The following GRID2 variants were observed in gnomAD, a reference collection of about 807,000 sequenced individuals.
The protein encoded by GRID2 is glutamate ionotropic receptor delta type subunit 2, also known as glutamate receptor ionotropic, delta-2.
Under a neutral mutation model 114.8 loss-of-function variants are expected in GRID2, and 33 were observed. The ratio of observed to expected loss-of-function variants is 0.29; its 90% CI spans 0.22 to 0.38. The LOEUF (loss-of-function observed/expected upper bound fraction) is 0.38, where lower values mean the gene tolerates loss of function less well. Among genes scored for constraint, GRID2 ranks in the 10% least tolerant of loss-of-function variants. The pLI is 1.00. For missense variants in GRID2, 1,184 were observed against 1,257.7 expected, an observed-to-expected ratio of 0.94 and a Z score of 0.89; for synonymous variants, 505 against 449.9, an observed-to-expected ratio of 1.12 and a Z score of -1.55.
intron 7 of GRID2, among the ~76,000 whole-genome samples, chr4:93,231,799 T>G (rs1325396908): frequency 6.6e-6 from 1 of 152,190 alleles, no homozygotes; most frequent in East Asian, 1.9e-4. Flanking sequence ...GTCCAGTCCC[T>G]CTTCCCTCAC....
rs776854733 is a variant in GRID2, at chr4:93,216,874, T to C, written c.926T>C (p.Leu309Ser). ...FRGNHRISST[L>S]CDPKDPFAQN... is the part of the protein sequence containing the mutation. ...GGCAACCATCGAATATCTTCAACAT[T>C]GTGTGATCCAAAGGATCCATTTGCT... Residue 309 changes from leucine to serine, a missense_variant, in exon 6 of 16, where the codon TTG becomes TCG. Leu to Ser is a moderately radical substitution (Grantham distance 145). This residue lies in a region of GRID2 where 455 missense variants were observed against 429.5 expected (regional missense o/e 1.06). Transcript: ENST00000282020. 3 of 1,612,968 alleles carry C rather than the reference T, an allele frequency of 1.9e-6. No homozygotes were observed. The highest frequency in any genetic ancestry group is 2.5e-6 in the Non-Finnish European group (3 of 1,179,058).
At chr4:93,751,562 G>T (rs1732320687) in intron 14 of GRID2, among the ~76,000 whole-genome samples, 1 of 152,134 alleles carries the variant, frequency 6.6e-6, no homozygotes, top group South Asian at 2.1e-4. Flanking sequence ...ATGATTTACT[G>T]TGTTGCTTCC....
At chr4:93,494,475 A>C (rs2149464691) in intron 12 of GRID2, among the ~76,000 whole-genome samples, 1 of 151,930 alleles carries the variant, frequency 6.6e-6, no homozygotes, top group East Asian at 1.9e-4. Context: ...GAAGCTGAAT[A>C]ATTTCATAAA....
chr4:93,372,761 A>G (rs1437773991), intron 8 of GRID2, among the ~76,000 whole-genome samples: 2 of 152,196 alleles, frequency 1.3e-5, no homozygotes, highest in East Asian at 3.8e-4. Flanking sequence ...CTTAAGCACA[A>G]TACAATAGTA....
chr4:92,988,012 AATT>A (rs1411669555), intron 2 of GRID2, among the ~76,000 whole-genome samples: 8 of 152,196 alleles, frequency 5.3e-5, no homozygotes, highest in African/African-American at 1.9e-4. Context: ...TGATCAATTC[AATT>A]ATTTATTTAT....
chr4:93,533,295 T>TTCCTTCCTTCCC (rs1560722463), intron 13 of GRID2, among the ~76,000 whole-genome samples: 1 of 145,318 alleles, frequency 6.9e-6, no homozygotes, highest in Non-Finnish European at 1.5e-5. Flanking sequence ...CCTTCCTTCC[T>TTCCTTCCTTCCC]TCCTTCCTTC....
intron 2 of GRID2, among the ~76,000 whole-genome samples, chr4:92,876,368 G>C (rs1176398645): frequency 1.3e-5 from 2 of 151,174 alleles, no homozygotes; most frequent in Non-Finnish European, 2.9e-5. Flanking sequence ...GCACCATCTC[G>C]GCTCACTGCA....
At chr4:92,469,587 A>T (rs1361376491) in intron 1 of GRID2, among the ~76,000 whole-genome samples, 1 of 151,882 alleles carries the variant, frequency 6.6e-6, no homozygotes. Flanking sequence ...TTTCAGCCTG[A>T]GGTTGGTTGA....
chr4:92,405,145 A>G (rs1473422362), intron 1 of GRID2, among the ~76,000 whole-genome samples: 1 of 152,218 alleles, frequency 6.6e-6, no homozygotes, highest in East Asian at 1.9e-4. Context: ...GGGTTTGAAG[A>G]ATGGCGTTCA....
At chr4:93,229,132 T>G (rs1745824285) in intron 7 of GRID2, among the ~76,000 whole-genome samples, 1 of 152,170 alleles carries the variant, frequency 6.6e-6, no homozygotes, top group Admixed American at 6.6e-5. Flanking sequence ...TGTCTCACAT[T>G]TCAAACTGAC....
chr4:92,469,545 T>G (rs1721919799), intron 1 of GRID2, among the ~76,000 whole-genome samples: 1 of 152,256 alleles, frequency 6.6e-6, no homozygotes, highest in African/African-American at 2.4e-5. Context: ...TTTATTGTTG[T>G]ATTGTTATTT....
At chr4:92,529,343 T>C (rs1341651099) in intron 1 of GRID2, among the ~76,000 whole-genome samples, 1 of 151,982 alleles carries the variant, frequency 6.6e-6, no homozygotes, top group Non-Finnish European at 1.5e-5. Context: ...TATTATACAA[T>C]CACAGAGTCT....
At chr4:93,352,640 A>G (rs546783118) in intron 8 of GRID2, among the ~76,000 whole-genome samples, 2 of 152,168 alleles carry the variant, frequency 1.3e-5, no homozygotes, top group Non-Finnish European at 1.5e-5. Context: ...AATGATCTTA[A>G]TAAGAAATGA....
intron 1 of GRID2, among the ~76,000 whole-genome samples, chr4:92,390,077 AAG>A (rs1435439168): frequency 6.6e-6 from 1 of 152,146 alleles, no homozygotes; most frequent in African/African-American, 2.4e-5. Flanking sequence ...CAATTAAACA[AAG>A]AGCACAATTA....
chr4:93,581,969 T>C (rs1737025874), intron 13 of GRID2, among the ~76,000 whole-genome samples: 1 of 152,214 alleles, frequency 6.6e-6, no homozygotes, highest in African/African-American at 2.4e-5. Flanking sequence ...TTTTTCCTTA[T>C]ATTTTATAGA....
chr4:92,640,824 TAAAA>T (rs200396753), intron 2 of GRID2, among the ~76,000 whole-genome samples: 1 of 151,354 alleles, frequency 6.6e-6, no homozygotes, highest in African/African-American at 2.4e-5. Flanking sequence ...TCATATAAAA[TAAAA>T]AAAACAAAAA....
chr4:93,050,190 A>G (rs1726553738), intron 2 of GRID2, among the ~76,000 whole-genome samples: 1 of 152,092 alleles, frequency 6.6e-6, no homozygotes, highest in Non-Finnish European at 1.5e-5. Context: ...CAAATTGCAG[A>G]AGTTCAGTTT....
intron 14 of GRID2, among the ~76,000 whole-genome samples, chr4:93,764,202 T>A (rs558474177): frequency 6.6e-6 from 1 of 152,280 alleles, no homozygotes; most frequent in Admixed American, 6.5e-5. Flanking sequence ...GAAAGAAGGA[T>A]CTTTTGATTC....
intron 1 of GRID2, among the ~76,000 whole-genome samples, chr4:92,306,177 G>T (rs1024055047): frequency 1.3e-5 from 2 of 152,216 alleles, no homozygotes; most frequent in Non-Finnish European, 2.9e-5. Flanking sequence ...CTTGGTCTCA[G>T]AGGCTGTCTT....
Sources: allele counts gnomAD v4.1 joint callset (sites outside exome capture counted in the v4.1 genomes callset), GRCh38; gene constraint gnomAD v4.1.1; regional missense constraint gnomAD v4.1.1; transcripts MANE v1.5; gene names NCBI Gene and HGNC (gene_info 2026-07-23, HGNC 2026-07-21).